Variants in OXTR observed in about 807,000 individuals in gnomAD.
OXTR encodes oxytocin receptor.
A neutral mutation model predicts 23.9 loss-of-function variants in OXTR; 19 were observed. That is an observed-to-expected ratio of 0.80 (90% CI 0.56 to 1.17). The LOEUF (loss-of-function observed/expected upper bound fraction) is 1.17. Ranked by LOEUF, OXTR falls within the 50% of genes most tolerant of loss-of-function variation. The probability of loss-of-function intolerance (pLI) is 0.00; values close to 1 mark genes in which losing one functional copy is unlikely to be tolerated. For synonymous variants in OXTR, 278 were observed against 250.5 expected (o/e 1.11, Z -1.04); for missense variants, 500 against 550.7 (o/e 0.91, Z 0.92).
At chr3:8,746,799 T>TCTCACACACACACACACACACACA (rs1226912382), downstream of OXTR, 4 of 146,986 alleles carry the variant, frequency 2.7e-5, no homozygotes, top group African/African-American at 1.0e-4. Flanking sequence ...TCTCTCTCTC[T>TCTCACACACACACACACACACACA]CACACACACA....
chr3:8,756,620 C>T (rs778379392), intron 3 of OXTR, among the ~76,000 whole-genome samples: 24 of 152,214 alleles, frequency 1.6e-4, no homozygotes, highest in Non-Finnish European at 3.5e-4. Flanking sequence ...TGCCCATTCC[C>T]CATTTTTGAC....
In OXTR at chr3:8,752,754, G is replaced by A; in HGVS notation, c.*223C>T. On this transcript the variant is annotated 3_prime_UTR_variant, in exon 4 of 4. Transcript: ENST00000316793. The stretch of plus-strand genomic sequence containing the variant: ...CCCAGGGCAGCAGTGGGTTCAGGGT[G>A]GTAGAAGTACGTGTAGGAGGCCAGG... 1 of 565,452 alleles carries A rather than the reference G, an allele frequency of 1.8e-6. No individual in the cohort carries two copies. The highest frequency in any genetic ancestry group is 3.1e-6 in the Non-Finnish European group (1 of 319,642). 35.0% of individuals were successfully genotyped at this position (565,452 alleles called of 1,614,324 possible).
the OXTR span, chr3:8,744,708 A>G: frequency 1.3e-5 from 2 of 152,224 alleles, no homozygotes; most frequent in Admixed American, 6.5e-5. Context: ...CCTGTTCACC[A>G]TCCAATCCAC....
chr3:8,764,190 C>A (rs1037474235), intron 3 of OXTR, among the ~76,000 whole-genome samples: 1 of 143,882 alleles, frequency 7.0e-6, no homozygotes, highest in South Asian at 2.1e-4. Flanking sequence ...CATTCCCCAC[C>A]CACTCTGGCA....
downstream of OXTR, chr3:8,745,497 G>T (rs774229512): frequency 5.1e-6 from 8 of 1,583,928 alleles, no homozygotes; most frequent in Non-Finnish European, 6.9e-6. The surrounding 1 kb of genome is among the most constrained non-coding windows in gnomAD (Gnocchi z 4.8). Flanking sequence ...GCTTCTGTGA[G>T]TTGAGGCTTC....
At chr3:8,758,558 G>C (rs1279402221) in intron 3 of OXTR, among the ~76,000 whole-genome samples, 2 of 152,192 alleles carry the variant, frequency 1.3e-5, no homozygotes, top group Non-Finnish European at 2.9e-5. Flanking sequence ...TTAAGAAAAT[G>C]ATTTTTGAAT....
chr3:8,760,754 T>C (rs757041682), intron 3 of OXTR, among the ~76,000 whole-genome samples: 8 of 152,178 alleles, frequency 5.3e-5, no homozygotes, highest in Middle Eastern at 3.2e-3. Flanking sequence ...GGCGTTCCCA[T>C]GGCAGGAACA....
At chr3:8,748,782 T>C (rs1043250980), downstream of OXTR, among the ~76,000 whole-genome samples, 5 of 152,244 alleles carry the variant, frequency 3.3e-5, no homozygotes, top group African/African-American at 1.2e-4. Flanking sequence ...GTTAAACACT[T>C]TGAAACCAGG....
At chr3:8,748,156 G>T (rs891645928), downstream of OXTR, among the ~76,000 whole-genome samples, 1 of 152,190 alleles carries the variant, frequency 6.6e-6, no homozygotes, top group African/African-American at 2.4e-5. Flanking sequence ...AGGTTCCAAG[G>T]CTCTAGCTAC....
chr3:8,753,080 C>A lies in OXTR; in HGVS notation c.1067G>T (p.Arg356Leu), dbSNP rs777166927. 1 of 1,614,174 alleles carries A rather than the reference C, an allele frequency of 6.2e-7. No individual in the cohort carries two copies. The highest frequency in any genetic ancestry group is 8.5e-7 in the Non-Finnish European group (1 of 1,180,016). ...TTTGCTGGCACTCGTCTCTCCCAGGCGTCTGCCCTTCAGGTAGCTGGCGGA... is the reference window on the plus strand; with the variant it reads ...TTTGCTGGCACTCGTCTCTCCCAGGAGTCTGCCCTTCAGGTAGCTGGCGGA... ...CCSASYLKGRRLGETSASKKS... is the reference protein window; with the variant it reads ...CCSASYLKGRLLGETSASKKS... The change falls in exon 4 of 4, where the codon CGC (arginine) becomes CTC (leucine). Residue 356 changes from arginine to leucine, a missense_variant. Arg to Leu is a moderately radical substitution (Grantham distance 102). Transcript: ENST00000316793.
rs1708641545 is a variant in OXTR at position 8,767,493 on chromosome 3, C to T, written c.695G>A (p.Arg232Gln). Residue 232 changes from arginine (R) to glutamine (Q), a missense_variant, in exon 3 of 4, where the codon CGG becomes CAG. Arg to Gln is a conservative substitution (Grantham distance 43, BLOSUM62 1). Coordinates refer to ENST00000316793, the MANE Select transcript of OXTR (RefSeq NM_000916.4). ...CGCCGCCGCTGCAGCGGTCTTGAGC[C>T]GCAAGTTCTGCCAGATCTTGAAGCT... Reference protein sequence around the residue: ...LISFKIWQNLRLKTAAAAAAE... With the variant: ...LISFKIWQNLQLKTAAAAAAE... 2 of 1,610,464 alleles carry T rather than the reference C, an allele frequency of 1.2e-6. No individual in the cohort carries two copies. The highest frequency in any genetic ancestry group is 2.2e-5 in the South Asian group (2 of 90,784).
At position 8,762,273 on chromosome 3, in the gene OXTR, AC is replaced by A. The variant is rs548652175; in HGVS notation, c.922+4992del. On this transcript the variant is annotated intron_variant, in intron 3 of 3. Transcript: ENST00000316793. ...TGGAAACATGATGTAGCAGGGCCTC[AC>A]CCAAGAGGCTGGTTTGGGGTTAGCT... Among the ~76,000 whole-genome samples, 197 of 152,270 alleles carry A rather than the reference AC, an allele frequency of 1.3e-3. 1 individual carries two copies. Among genetic ancestry groups the A allele is most frequent in the African/African-American group, 4.4e-3 (181 of 41,548 alleles).
intron 3 of OXTR, among the ~76,000 whole-genome samples, chr3:8,761,059 T>C (rs11131148): frequency 0.44 from 66,744 of 151,704 alleles, 15,535 homozygotes; most frequent in African/African-American, 0.58. Flanking sequence ...GGGAATGCTG[T>C]TAAATATCCT....
In OXTR at chr3:8,752,802, C is replaced by T. The variant is rs1303399166; in HGVS notation, c.*175G>A. The T allele has an allele frequency of 2.0e-5, 13 of 647,010 alleles. No homozygotes were observed. The highest frequency in any genetic ancestry group is 1.2e-4 in the South Asian group (6 of 50,048). The allele number at this position is 647,010 out of a possible 1,614,324, so 40.1% of individuals were successfully genotyped here. A position where few individuals can be genotyped will look rare whatever the true frequency, so the allele number is the denominator to read the frequency against. On this transcript the variant is annotated 3_prime_UTR_variant, in exon 4 of 4. Coordinates refer to ENST00000316793, the MANE Select transcript of OXTR (RefSeq NM_000916.4). ...AGGGTGTTGTCTGATGGCTGAGTCC[C>T]CTATCATCTTCCATCATGGAGGCCA... is the stretch of plus-strand genomic sequence containing the variant.
At chr3:8,748,435 A>G (rs1708203485), downstream of OXTR, among the ~76,000 whole-genome samples, 1 of 152,220 alleles carries the variant, frequency 6.6e-6, no homozygotes, top group South Asian at 2.1e-4. Context: ...GAATGGGACC[A>G]GGGCCCCCTT....
chr3:8,762,262 A>G (rs1436763274), intron 3 of OXTR, among the ~76,000 whole-genome samples: 1 of 152,220 alleles, frequency 6.6e-6, no homozygotes, highest in Non-Finnish European at 1.5e-5. Flanking sequence ...AACATGATGT[A>G]GCAGGGCCTC....
At chr3:8,761,224 G>A (rs935813149) in intron 3 of OXTR, among the ~76,000 whole-genome samples, 2 of 152,220 alleles carry the variant, frequency 1.3e-5, no homozygotes, top group African/African-American at 4.8e-5. Flanking sequence ...GAGGCATGTG[G>A]TACAGCTGAG....
At chr3:8,747,757 A>G (rs35155406), downstream of OXTR, among the ~76,000 whole-genome samples, 19,631 of 152,220 alleles carry the variant, frequency 0.13, 1,354 homozygotes, top group Non-Finnish European at 0.16. Flanking sequence ...TGTCCTCCTC[A>G]AAGGGCCTGC....
chr3:8,751,340 C>T lies in OXTR; in HGVS notation c.*1637G>A, dbSNP rs201163632. On this transcript the variant is annotated 3_prime_UTR_variant, in exon 4 of 4. Transcript: ENST00000316793. ...TCTCCCATTCTGCAGGTTATCTTTTCACCTTCTTGATAGGGTCTTTTCAAT... is the reference window on the plus strand; with the variant it reads ...TCTCCCATTCTGCAGGTTATCTTTTTACCTTCTTGATAGGGTCTTTTCAAT... 8 of 152,146 alleles carry T rather than the reference C, an allele frequency of 5.3e-5. No homozygotes were observed. The highest frequency in any genetic ancestry group is 1.0e-4 in the Non-Finnish European group (7 of 68,036). The allele number at this position is 152,146 out of a possible 1,614,324, so 9.4% of individuals were successfully genotyped here. A position where few individuals can be genotyped will look rare whatever the true frequency, so the allele number is the denominator to read the frequency against.
Sources: gnomAD v4.1 joint callset for allele counts (sites outside exome capture counted in the v4.1 genomes callset) on GRCh38, gnomAD v4.1.1 for gene constraint, Gnocchi (gnomAD v3.1) non-coding constraint, MANE v1.5 for transcripts, NCBI Gene and HGNC (gene_info 2026-07-23, HGNC 2026-07-21) for gene names.